The following PPRC1 variants were observed in gnomAD, a reference collection of about 807,000 sequenced individuals.
The protein encoded by PPRC1 is peroxisome proliferator-activated receptor gamma coactivator-related protein 1.
In PPRC1, 23 loss-of-function variants were observed where a neutral mutation model predicts 132.5. The ratio of observed to expected loss-of-function variants is 0.17; its 90% CI spans 0.12 to 0.25. PPRC1 has a LOEUF of 0.25. Ranked by LOEUF, PPRC1 falls within the 10% of genes least tolerant of loss-of-function variation. PPRC1 has a pLI of 1.00. For synonymous variants in PPRC1, 872 were observed against 833.5 expected (o/e 1.05, Z -0.80); for missense variants, 2,006 against 2,089.1 (o/e 0.96, Z 0.78).
At chr10:102,144,615 A>G (rs951701588) in intron 7 of PPRC1, 2 of 494,498 alleles carry the variant, frequency 4.0e-6, no homozygotes, top group Non-Finnish European at 7.2e-6. Flanking sequence ...TAACACTTCA[A>G]GTTTGCTCAG....
chr10:102,132,098 A>G (rs1298673903), upstream of PPRC1, among the ~76,000 whole-genome samples: 2 of 152,248 alleles, frequency 1.3e-5, no homozygotes, highest in African/African-American at 4.8e-5. Context: ...GTGCCCCTAT[A>G]TATTTTTCCA....
the PPRC1 span, among the ~76,000 whole-genome samples, chr10:102,123,404 G>A: frequency 1.3e-5 from 2 of 151,236 alleles, no homozygotes; most frequent in South Asian, 2.1e-4. Flanking sequence ...TGGAGGGGGG[G>A]TCTTTAACTT....
At chr10:102,142,488 G>A (rs1285191251) in intron 5 of PPRC1, among the ~76,000 whole-genome samples, 5 of 123,916 alleles carry the variant, frequency 4.0e-5, no homozygotes, top group African/African-American at 9.8e-5. Flanking sequence ...GCGTGATCTC[G>A]GCTCACCGCA....
At chr10:102,121,394 C>T in the PPRC1 span, among the ~76,000 whole-genome samples, 1 of 152,174 alleles carries the variant, frequency 6.6e-6, no homozygotes, top group Non-Finnish European at 1.5e-5. Flanking sequence ...CCCCCTAACC[C>T]AGAGAGGCAG....
upstream of PPRC1, among the ~76,000 whole-genome samples, chr10:102,130,742 A>G (rs1390693121): frequency 1.3e-5 from 2 of 152,058 alleles, no homozygotes; most frequent in East Asian, 3.9e-4. Context: ...TCTCACACAC[A>G]AAAAACAAAA....
intron 13 of PPRC1, among the ~76,000 whole-genome samples, chr10:102,149,534 C>A (rs1388941312): frequency 6.6e-6 from 1 of 152,090 alleles, no homozygotes; most frequent in Non-Finnish European, 1.5e-5. Context: ...AGTTCGAGAC[C>A]AGCCTGGCCA....
chr10:102,122,639 A>G, the PPRC1 span, among the ~76,000 whole-genome samples: 3 of 152,058 alleles, frequency 2.0e-5, no homozygotes, highest in Non-Finnish European at 2.9e-5. Context: ...AAGGCCACTC[A>G]TTCCAAACAA....
Position 102,140,943 on chromosome 10 carries a change from A to G in PPRC1, c.2435A>G (p.Glu812Gly). 1 of 1,613,916 alleles carries G rather than the reference A, an allele frequency of 6.2e-7. No individual in the cohort carries two copies. The highest frequency in any genetic ancestry group is 8.5e-7 in the Non-Finnish European group (1 of 1,179,950). ...AAGACAGCTCTGCAGAGAAGCCCTGAAACACCCCTTGAGATTTGCCTTGTG... is the reference window on the plus strand; with the variant it reads ...AAGACAGCTCTGCAGAGAAGCCCTGGAACACCCCTTGAGATTTGCCTTGTG... ...AKKTALQRSPETPLEICLVPV... is the reference protein window; with the variant it reads ...AKKTALQRSPGTPLEICLVPV... The change falls in exon 5 of 14, where the codon GAA becomes GGA. Residue 812 changes from glutamate to glycine, a missense_variant. By Grantham distance (98) the Glu-to-Gly change is moderately conservative. Transcript: ENST00000278070.
At chr10:102,127,518 C>G in the PPRC1 span, among the ~76,000 whole-genome samples, 1 of 152,142 alleles carries the variant, frequency 6.6e-6, no homozygotes, top group Admixed American at 6.5e-5. Context: ...GTGATCCTCT[C>G]ATCTCAGCCT....
the PPRC1 span, among the ~76,000 whole-genome samples, chr10:102,125,113 G>A: frequency 1.3e-5 from 2 of 151,848 alleles, no homozygotes; most frequent in African/African-American, 2.4e-5. Context: ...TTATTTTTGA[G>A]ACAGAGTCTC....
In PPRC1 at chr10:102,150,030, C is replaced by A; in HGVS notation, c.*1C>A. 1 of 1,600,532 alleles carries A rather than the reference C, an allele frequency of 6.2e-7. No individual in the cohort carries two copies. The highest frequency in any genetic ancestry group is 8.6e-7 in the Non-Finnish European group (1 of 1,167,668). On this transcript the variant is annotated 3_prime_UTR_variant, in exon 14 of 14. Transcript: ENST00000278070. ...GGCCCAGAAGAACCTCAGGAGGTAA[C>A]CTTGGGCCCTTCCCTGCTATCCTTT...
At chr10:102,133,649 G>C (rs2068608054) in intron 1 of PPRC1, among the ~76,000 whole-genome samples, 1 of 151,926 alleles carries the variant, frequency 6.6e-6, no homozygotes, top group Non-Finnish European at 1.5e-5. Flanking sequence ...GCATCCACGT[G>C]GGTCGGGCTC....
In PPRC1 at chr10:102,137,991, G is replaced by A; in HGVS notation, c.295G>A (p.Asp99Asn). The A allele has an allele frequency of 6.2e-7, 1 of 1,614,078 alleles. No individual in the cohort carries two copies. The highest frequency in any genetic ancestry group is 8.5e-7 in the Non-Finnish European group (1 of 1,179,992). ...GCTGGGGACCATGCAGAGCTACATG[G>A]ATGCCTCCCTTATCTCCCTCATTGA... ...TLLGTMQSYMDASLISLIEDF... is the reference protein window; with the variant it reads ...TLLGTMQSYMNASLISLIEDF... The change falls in exon 2 of 14, where the codon GAT becomes AAT. Residue 99 changes from aspartate (D) to asparagine (N), a missense_variant. By Grantham distance (23) the Asp-to-Asn change is conservative. Transcript: ENST00000278070.
At chr10:102,128,441 G>A (rs1424758503), upstream of PPRC1, among the ~76,000 whole-genome samples, 2 of 151,780 alleles carry the variant, frequency 1.3e-5, no homozygotes, top group South Asian at 2.1e-4. Flanking sequence ...ACCGCACCCC[G>A]CCCCTCTAAA....
chr10:102,150,275 G>T lies in PPRC1; in HGVS notation c.*246G>T. 2 of 405,318 alleles carry T rather than the reference G, an allele frequency of 4.9e-6. No homozygotes were observed. The highest frequency in any genetic ancestry group is 5.2e-5 in the South Asian group (2 of 38,178). The allele number at this position is 405,318 out of a possible 1,614,324, so 25.1% of individuals were successfully genotyped here. A position where few individuals can be genotyped will look rare whatever the true frequency, so the allele number is the denominator to read the frequency against. On this transcript the variant is annotated 3_prime_UTR_variant, in exon 14 of 14. Transcript: ENST00000278070. Reference sequence around the variant, plus strand: ...ATAGGAGGGGCTGAGGGGATCCCCAGTGTTTGGAACATAAGTCACTATGCA... The same window carrying T: ...ATAGGAGGGGCTGAGGGGATCCCCATTGTTTGGAACATAAGTCACTATGCA...
In PPRC1 at chr10:102,148,086, G is replaced by T. The variant is rs1312572884; in HGVS notation, c.4401-286G>T. ...CCCTCTCCCTGAGTCTCCATTTATT[G>T]TTCTTCCTCTTTCTGATTTGTTAAA... On this transcript the variant is annotated intron_variant, in intron 9 of 13. Transcript: ENST00000278070. This position sits in a 1 kb window ranked among gnomAD's most constrained non-coding sequence, Gnocchi z 4.2. Among the ~76,000 whole-genome samples, 2 of 152,090 alleles carry T rather than the reference G, an allele frequency of 1.3e-5. No homozygotes were observed. The highest frequency in any genetic ancestry group is 4.8e-5 in the African/African-American group (2 of 41,408).
chr10:102,144,803 T>C (rs1412409130), intron 7 of PPRC1: 1 of 561,080 alleles, frequency 1.8e-6, no homozygotes, highest in Non-Finnish European at 3.2e-6. Context: ...TTCAAGGTCA[T>C]GGCCAGCCTG....
chr10:102,145,225 G>A (rs2069170665), intron 8 of PPRC1, 135 bp downstream of exon 8: 1 of 824,458 alleles, frequency 1.2e-6, no homozygotes, highest in Non-Finnish European at 1.9e-6. Context: ...TCACAGTCTA[G>A]GGGGCAGACT....
the PPRC1 span, among the ~76,000 whole-genome samples, chr10:102,122,297 G>A: frequency 5.3e-5 from 8 of 151,992 alleles, no homozygotes; most frequent in Non-Finnish European, 1.2e-4. Context: ...CGCAAGATTC[G>A]CTCCTCAATA....
Sources: gnomAD v4.1 joint callset for allele counts (sites outside exome capture counted in the v4.1 genomes callset) on GRCh38, gnomAD v4.1.1 for gene constraint, Gnocchi (gnomAD v3.1) non-coding constraint, MANE v1.5 for transcripts, NCBI Gene and HGNC (gene_info 2026-07-23, HGNC 2026-07-21) for gene names.